The following MYO5B variants were observed in gnomAD, a reference collection of about 807,000 sequenced individuals.
MYO5B encodes the protein myosin VB, also known as unconventional myosin-Vb.
In MYO5B, 143 loss-of-function variants were observed where a neutral mutation model predicts 229.3. The ratio of observed to expected loss-of-function variants is 0.62; its 90% CI spans 0.54 to 0.72. The LOEUF (loss-of-function observed/expected upper bound fraction) is 0.72, where lower values mean the gene tolerates loss of function less well. Ranked by LOEUF, MYO5B falls within the 30% of genes least tolerant of loss-of-function variation. The pLI, the probability that MYO5B is intolerant of heterozygous loss-of-function variation, is 0.00. For synonymous variants in MYO5B, 918 were observed against 885.2 expected (o/e 1.04, Z -0.66); for missense variants, 2,321 against 2,331.0 (o/e 1.00, Z 0.09).
rs115299853 is a variant in MYO5B, at chr18:50,049,834, T to C, written c.138+5434A>G. Among the ~76,000 whole-genome samples, 329 of 149,386 alleles carry C rather than the reference T, an allele frequency of 2.2e-3. 1 individual carries two copies. The highest frequency in any genetic ancestry group is 7.6e-3 in the African/African-American group (307 of 40,520). Reference sequence around the variant, plus strand: ...ATGGGAAAAAAATTAGCAGGAAAAATAGGTCAATGACAATAAATTAGAGCT... The same window carrying C: ...ATGGGAAAAAAATTAGCAGGAAAAACAGGTCAATGACAATAAATTAGAGCT... On this transcript the variant is annotated intron_variant, in intron 2 of 39. Transcript: ENST00000285039.
In MYO5B at chr18:49,837,512, C is replaced by T. The variant is rs1270203760; in HGVS notation, c.5138+5G>A. The T allele has an allele frequency of 1.2e-6, 2 of 1,613,180 alleles. No homozygotes were observed. The highest frequency in any genetic ancestry group is 1.7e-5 in the Admixed American group (1 of 59,998). On this transcript the variant is annotated splice_donor_5th_base_variant and intron_variant, in intron 37 of 39. Coordinates refer to ENST00000285039, the MANE Select transcript of MYO5B (RefSeq NM_001080467.3). ...CTGTGTTGTTGGGGGGTGCTCCTCCCTTACCTGAGTTGCATGCCTGTGCTC... is the reference window on the plus strand; with the variant it reads ...CTGTGTTGTTGGGGGGTGCTCCTCCTTTACCTGAGTTGCATGCCTGTGCTC...
chr18:49,933,674 A>G (rs975534512), intron 16 of MYO5B, among the ~76,000 whole-genome samples: 1 of 152,182 alleles, frequency 6.6e-6, no homozygotes, highest in Non-Finnish European at 1.5e-5. Context: ...ACATCCTATG[A>G]TGCACAGGAC....
intron 17 of MYO5B, among the ~76,000 whole-genome samples, chr18:49,919,384 T>C (rs1054620111): frequency 6.6e-6 from 1 of 152,044 alleles, no homozygotes; most frequent in Non-Finnish European, 1.5e-5. Context: ...GAAAAGATGG[T>C]TCACAGAATG....
chr18:50,042,097 CA>C (rs1335441879), intron 2 of MYO5B, among the ~76,000 whole-genome samples: 1 of 152,196 alleles, frequency 6.6e-6, no homozygotes, highest in Non-Finnish European at 1.5e-5. Flanking sequence ...CAAACAGTTA[CA>C]CCACTTGTGG....
Position 50,171,774 on chromosome 18 carries a change from C to G in MYO5B, c.27+22993G>C, listed in dbSNP as rs1473539902. ...TTGTGGATGATCCCAGACAGGCAAC[C>G]ATAAATGGTTATTGTTTAGTGAGTG... On this transcript the variant is annotated intron_variant, in intron 1 of 39. Transcript: ENST00000285039. Among the ~76,000 whole-genome samples, 5 of 127,110 alleles carry G rather than the reference C, an allele frequency of 3.9e-5. 2 individuals carry two copies. The highest frequency in any genetic ancestry group is 8.4e-5 in the Non-Finnish European group (5 of 59,676). 83.4% of individuals were successfully genotyped at this position (127,110 alleles called of 152,430 possible).
chr18:49,974,364 G>A lies in MYO5B; in HGVS notation c.1308C>T (p.Val436=), dbSNP rs1217198777. 1 of 1,614,186 alleles carries A rather than the reference G, an allele frequency of 6.2e-7. No homozygotes were observed. Among genetic ancestry groups the A allele is most frequent in the Admixed American group, 1.7e-5 (1 of 60,022 alleles). Residue 436 remains valine, a synonymous_variant, in exon 10 of 40, where the codon GTC becomes GTT. Transcript: ENST00000285039. ...GGCAGGCCTACCCATAGATGTCCAG[G>A]ACCCCGATGAAGGAGTGCTGCTTGA... ...TSLKQHSFIG[V]LDIYGFETFE... is the part of the protein sequence containing the mutation.
At chr18:49,864,110 G>A in intron 28 of MYO5B, 31 bp downstream of exon 28, 2 of 1,602,580 alleles carry the variant, frequency 1.2e-6, no homozygotes, top group Non-Finnish European at 8.5e-7. Context: ...TCACCCCTCG[G>A]CAGCCCCACC....
At chr18:49,876,961 T>C (rs938343523) in intron 25 of MYO5B, among the ~76,000 whole-genome samples, 1 of 152,220 alleles carries the variant, frequency 6.6e-6, no homozygotes, top group Non-Finnish European at 1.5e-5. Context: ...GCTCACTGAC[T>C]AGCTCTCTGT....
intron 1 of MYO5B, among the ~76,000 whole-genome samples, chr18:50,162,394 G>C (rs2032780371): frequency 6.6e-6 from 1 of 150,472 alleles, no homozygotes; most frequent in Non-Finnish European, 1.5e-5. Context: ...GATACCAAAA[G>C]TTAAGGGAAG....
Position 50,037,003 on chromosome 18 carries a change from A to G in MYO5B, c.311-9T>C, listed in dbSNP as rs569094198. On this transcript the variant is annotated splice_polypyrimidine_tract_variant and intron_variant, in intron 3 of 39. Transcript: ENST00000285039. ...GGCAACAAGTACGATACCTGCAAACAGACAAGGTGGTCAGATTCCGACAGC... is the reference window on the plus strand; with the variant it reads ...GGCAACAAGTACGATACCTGCAAACGGACAAGGTGGTCAGATTCCGACAGC... 1.2e-5 allele frequency: 19 copies of G among 1,614,130 alleles called. No homozygotes were observed. In the South Asian group the frequency reaches 1.9e-4, roughly 16 times the overall value.
At chr18:49,836,675 G>GA in intron 38 of MYO5B, 36 bp downstream of exon 38, 11 of 1,612,682 alleles carry the variant, frequency 6.8e-6, no homozygotes, top group Non-Finnish European at 9.3e-6. Context: ...GGCTTCCTTG[G>GA]AATACCATGT....
chr18:49,990,565 A>T (rs746433175), intron 6 of MYO5B, 45 bp from the exon 7 acceptor site: 16 of 1,512,946 alleles, frequency 1.1e-5, no homozygotes, highest in Non-Finnish European at 1.8e-6. Flanking sequence ...GTGACCTCTA[A>T]CATCGTTCCC....
intron 1 of MYO5B, among the ~76,000 whole-genome samples, chr18:50,170,283 G>A (rs1390874568): frequency 7.9e-6 from 1 of 126,838 alleles, no homozygotes; most frequent in African/African-American, 3.0e-5. Context: ...ATGAGTCAAA[G>A]CAGGTTTTCA....
intron 12 of MYO5B, among the ~76,000 whole-genome samples, chr18:49,957,857 C>T (rs142167670): frequency 2.0e-5 from 3 of 152,000 alleles, no homozygotes; most frequent in South Asian, 2.1e-4. Context: ...ACCATAAATA[C>T]CTCTGGATCC....
chr18:50,147,997 G>A (rs1161981111), intron 1 of MYO5B, among the ~76,000 whole-genome samples: 1 of 151,010 alleles, frequency 6.6e-6, no homozygotes, highest in African/African-American at 2.4e-5. Context: ...AATGATAAAG[G>A]GGATATCACC....
chr18:50,060,013 C>T (rs2030648464), intron 1 of MYO5B, among the ~76,000 whole-genome samples: 1 of 152,160 alleles, frequency 6.6e-6, no homozygotes, highest in Non-Finnish European at 1.5e-5. Flanking sequence ...GGAAGGCAGA[C>T]ATGACCTGAG....
intron 13 of MYO5B, among the ~76,000 whole-genome samples, chr18:49,953,940 T>TATATATATAC (rs1161992655): frequency 6.8e-5 from 6 of 88,260 alleles, no homozygotes; most frequent in African/African-American, 2.8e-4. Flanking sequence ...GTGTAGACTA[T>TATATATATAC]ATATATACAG....
chr18:49,952,039 T>C (rs749985374), intron 14 of MYO5B, among the ~76,000 whole-genome samples: 3 of 152,240 alleles, frequency 2.0e-5, no homozygotes, highest in Non-Finnish European at 4.4e-5. Flanking sequence ...AATTCTCTGA[T>C]GTTCCAGATA....
chr18:50,118,573 G>A (rs2032004709), intron 1 of MYO5B, among the ~76,000 whole-genome samples: 1 of 151,034 alleles, frequency 6.6e-6, no homozygotes, highest in Admixed American at 6.6e-5. Context: ...TAGGGTACAT[G>A]TGCACAACGT....
Sources: gnomAD v4.1 joint callset for allele counts (sites outside exome capture counted in the v4.1 genomes callset) on GRCh38, gnomAD v4.1.1 for gene constraint, MANE v1.5 for transcripts, NCBI Gene and HGNC (gene_info 2026-07-23, HGNC 2026-07-21) for gene names.